Variants in POT1 observed in about 807,000 individuals in gnomAD.
POT1 encodes protection of telomeres 1, also known as protection of telomeres protein 1.
Under a neutral mutation model 78.5 loss-of-function variants are expected in POT1, and 47 were observed. The observed-to-expected ratio is 0.60, with a 90% CI of 0.47 to 0.76. POT1 has a LOEUF of 0.76. Among genes scored for constraint, POT1 ranks in the 30% least tolerant of loss-of-function variants. The probability of loss-of-function intolerance (pLI) is 0.00; values close to 1 mark genes in which losing one functional copy is unlikely to be tolerated. For synonymous variants in POT1, 259 were observed against 260.7 expected (o/e 0.99, Z 0.06); for missense variants, 646 against 749.9 (o/e 0.86, Z 1.62).
chr7:124,871,186 G>A, intron 6 of POT1, 145 bp from the exon 7 acceptor site: 1 of 577,770 alleles, frequency 1.7e-6, no homozygotes, highest in East Asian at 3.6e-5. Context: ...CATTTTCTTG[G>A]CTTTCAATAC....
chr7:124,860,568 A>T (rs1352300965), intron 8 of POT1, among the ~76,000 whole-genome samples: 2 of 152,160 alleles, frequency 1.3e-5, no homozygotes, highest in East Asian at 3.8e-4. Flanking sequence ...AAGACTTTTG[A>T]GGCTTATTCT....
intron 6 of POT1, among the ~76,000 whole-genome samples, chr7:124,883,523 A>G (rs953787410): frequency 6.6e-6 from 1 of 152,158 alleles, no homozygotes; most frequent in Non-Finnish European, 1.5e-5. Flanking sequence ...GAACCGAAAT[A>G]CAAAACTATA....
chr7:124,899,187 T>C (rs1257425370), intron 3 of POT1, among the ~76,000 whole-genome samples: 2 of 152,188 alleles, frequency 1.3e-5, no homozygotes, highest in South Asian at 2.1e-4. Flanking sequence ...GATTTAATAA[T>C]TGGACTGAGA....
chr7:124,827,872 A>T (rs1226624687), intron 16 of POT1, among the ~76,000 whole-genome samples: 1 of 152,064 alleles, frequency 6.6e-6, no homozygotes, highest in East Asian at 1.9e-4. Flanking sequence ...TCTACTAAAA[A>T]TACCAAAAAA....
At chr7:124,851,776 TAA>T (rs1795311768) in intron 11 of POT1, 94 bp downstream of exon 11, 7 of 896,762 alleles carry the variant, frequency 7.8e-6, no homozygotes, top group South Asian at 4.4e-5. Context: ...AAATTATTAA[TAA>T]GAGAGACAAA....
At chr7:124,848,677 A>G in intron 11 of POT1, 1 of 180,186 alleles carries the variant, frequency 5.5e-6, no homozygotes, top group South Asian at 9.5e-5. Flanking sequence ...GAAAAAAAAA[A>G]AAAAAAAAGA....
chr7:124,835,060 AG>A (rs1231195066), intron 15 of POT1, among the ~76,000 whole-genome samples: 1 of 152,108 alleles, frequency 6.6e-6, no homozygotes, highest in Non-Finnish European at 1.5e-5. Flanking sequence ...ACATGGAGAC[AG>A]GGAGGGGAAC....
chr7:124,882,298 A>G (rs906179650), intron 6 of POT1, among the ~76,000 whole-genome samples: 1 of 152,028 alleles, frequency 6.6e-6, no homozygotes, highest in African/African-American at 2.4e-5. Flanking sequence ...AGAAAAGTAT[A>G]TCATTAAAAC....
intron 14 of POT1, 65 bp from the exon 15 acceptor site, chr7:124,835,479 T>A: frequency 6.6e-7 from 1 of 1,520,174 alleles, no homozygotes; most frequent in Non-Finnish European, 9.0e-7. Flanking sequence ...ACAGTCCTAT[T>A]AAATAACGTG....
intron 12 of POT1, among the ~76,000 whole-genome samples, chr7:124,844,356 C>T (rs1163434097): frequency 6.6e-6 from 1 of 150,810 alleles, no homozygotes; most frequent in African/African-American, 2.4e-5. Context: ...TTCGAACTCC[C>T]GTCCTCAGGT....
chr7:124,833,047 A>G (rs531404173), intron 15 of POT1, among the ~76,000 whole-genome samples: 81 of 152,280 alleles, frequency 5.3e-4, no homozygotes, highest in African/African-American at 1.9e-3. Context: ...GACTTATTAT[A>G]CAAGAAAAAC....
intron 9 of POT1, 89 bp downstream of exon 9, chr7:124,858,868 C>A (rs1363312995): frequency 1.2e-6 from 1 of 861,250 alleles, no homozygotes; most frequent in Non-Finnish European, 1.8e-6. Flanking sequence ...ATCACCTATA[C>A]ATGTAACCAT....
At position 124,925,955 on chromosome 7, in the gene POT1, C is replaced by T. The variant is rs573114998; in HGVS notation, c.-227+2860G>A. On this transcript the variant is annotated intron_variant, in intron 2 of 18. Transcript: ENST00000357628. Reference sequence around the variant, plus strand: ...ATATGTCACCATACACGAAAATAAACTTAAGACGGATTAAAGATTTGAATG... The same window carrying T: ...ATATGTCACCATACACGAAAATAAATTTAAGACGGATTAAAGATTTGAATG... Among the ~76,000 whole-genome samples, 8 of 152,054 alleles carry T rather than the reference C, an allele frequency of 5.3e-5. No individual in the cohort carries two copies. In the South Asian group the frequency reaches 1.2e-3, roughly 24 times the overall value.
In POT1 at chr7:124,823,897, GA is replaced by G; in HGVS notation, c.*64del. The G allele has an allele frequency of 9.5e-7, 1 of 1,048,652 alleles. No homozygotes were observed. Among genetic ancestry groups the G allele is most frequent in the East Asian group, 2.5e-5 (1 of 40,178 alleles). 65.0% of individuals were successfully genotyped at this position (1,048,652 alleles called of 1,614,324 possible). On this transcript the variant is annotated 3_prime_UTR_variant, in exon 19 of 19. Transcript: ENST00000357628. ...ATTGCTGATACAAAACTCAGGTCAG[GA>G]AAAGAAGCTCAAACAGGGAAGGTGA...
At chr7:124,875,044 T>C (rs1795956883) in intron 6 of POT1, among the ~76,000 whole-genome samples, 1 of 152,112 alleles carries the variant, frequency 6.6e-6, no homozygotes, top group Admixed American at 6.5e-5. Flanking sequence ...TGGCTCCAGT[T>C]TTAGGTTTTA....
At chr7:124,890,247 A>T (rs566994150) in intron 6 of POT1, among the ~76,000 whole-genome samples, 6 of 152,084 alleles carry the variant, frequency 3.9e-5, no homozygotes, top group African/African-American at 1.4e-4. Context: ...TAGAATTATA[A>T]ATGGAGCCTG....
rs968177431 is a variant in POT1, at chr7:124,835,431, T to C, written c.1370-17A>G. The C allele has an allele frequency of 1.2e-6, 2 of 1,607,856 alleles. No homozygotes were observed. Among genetic ancestry groups the C allele is most frequent in the Non-Finnish European group, 1.7e-6 (2 of 1,174,574 alleles). ...GTGTACCTCCTGTTAAGAGAATAAA[T>C]AAATCCTTCAAGTAGTGCAAATAAA... On this transcript the variant is annotated splice_polypyrimidine_tract_variant and intron_variant, in intron 14 of 18. Transcript: ENST00000357628.
intron 15 of POT1, among the ~76,000 whole-genome samples, chr7:124,831,428 T>A (rs1324581028): frequency 6.6e-6 from 1 of 152,120 alleles, no homozygotes; most frequent in Non-Finnish European, 1.5e-5. Context: ...ACACATACAA[T>A]TGAAATGAAA....
rs7794637 is a variant in POT1 at position 124,846,926 on chromosome 7, T to C, written c.1006+16A>G. On this transcript the variant is annotated intron_variant, in intron 12 of 18. Coordinates refer to ENST00000357628, the MANE Select transcript of POT1 (RefSeq NM_015450.3). ...CTCATTACTGTGCCCATCTCAAAAA[T>C]GATACATAGTCTTACTTGTAGCAGA... is the stretch of plus-strand genomic sequence containing the variant. 0.69 allele frequency: 1,057,084 copies of C among 1,541,844 alleles called. 363,760 individuals carry two copies. The highest frequency in any genetic ancestry group is 0.79 in the East Asian group (35,171 of 44,336).
Sources: allele counts gnomAD v4.1 joint callset (sites outside exome capture counted in the v4.1 genomes callset), GRCh38; gene constraint gnomAD v4.1.1; transcripts MANE v1.5; gene names NCBI Gene and HGNC (gene_info 2026-07-23, HGNC 2026-07-21).